The following FAM13A variants were observed in gnomAD, a reference collection of about 807,000 sequenced individuals.
The protein encoded by FAM13A is protein FAM13A.
Under a neutral mutation model 129.6 loss-of-function variants are expected in FAM13A, and 76 were observed. The observed-to-expected ratio is 0.59, with a 90% CI of 0.49 to 0.71. The LOEUF (loss-of-function observed/expected upper bound fraction) is 0.71. FAM13A is among the 30% of genes least tolerant of loss of function. The pLI, the probability that FAM13A is intolerant of heterozygous loss-of-function variation, is 0.00. For synonymous variants in FAM13A, 443 were observed against 449.9 expected (o/e 0.98, Z 0.20); for missense variants, 1,108 against 1,249.3 (o/e 0.89, Z 1.70).
chr4:88,959,368 G>A (rs958886425), intron 4 of FAM13A, among the ~76,000 whole-genome samples: 1 of 152,180 alleles, frequency 6.6e-6, no homozygotes, highest in Non-Finnish European at 1.5e-5. Flanking sequence ...GATCATGGGG[G>A]ATGGTTCCCT....
intron 4 of FAM13A, among the ~76,000 whole-genome samples, chr4:88,959,136 C>T (rs2148907013): frequency 6.6e-6 from 1 of 152,226 alleles, no homozygotes; most frequent in East Asian, 1.9e-4. Context: ...AGGGACATGC[C>T]TTGTCTCAGA....
chr4:89,043,889 A>G (rs932153476), intron 1 of FAM13A, among the ~76,000 whole-genome samples: 11 of 152,126 alleles, frequency 7.2e-5, no homozygotes, highest in African/African-American at 2.7e-4. Context: ...TGGGCAACAC[A>G]GCAAGACCCT....
chr4:88,925,847 GAGAA>G lies in FAM13A; in HGVS notation c.759+12237_759+12240del, dbSNP rs1349482370. Among the ~76,000 whole-genome samples the G allele has an allele frequency of 6.6e-5, 10 of 152,198 alleles. No individual in the cohort carries two copies. In the South Asian group the frequency reaches 1.0e-3, roughly 16 times the overall value. On this transcript the variant is annotated intron_variant, in intron 5 of 23. Coordinates refer to ENST00000264344, the MANE Select transcript of FAM13A (RefSeq NM_014883.4). ...CCAAGGCAGAATGTTCTAACAGAAG[GAGAA>G]AGAAAGTGCCACAAGACAAGAAAGG...
intron 19 of FAM13A, among the ~76,000 whole-genome samples, chr4:88,746,619 T>C (rs149850749): frequency 6.6e-6 from 1 of 152,316 alleles, no homozygotes. Flanking sequence ...CTTTATGCCC[T>C]ATACTCTGCC....
intron 5 of FAM13A, among the ~76,000 whole-genome samples, chr4:88,922,709 A>G (rs970477513): frequency 1.3e-5 from 2 of 152,222 alleles, no homozygotes; most frequent in Non-Finnish European, 2.9e-5. Flanking sequence ...ATCAGAGTAG[A>G]ACTGAAGGAA....
chr4:88,728,632 A>G lies in FAM13A; in HGVS notation c.2973T>C (p.Pro991=). Residue 991 remains proline, a synonymous_variant, in exon 24 of 24, where the codon CCT becomes CCC. Coordinates refer to ENST00000264344, the MANE Select transcript of FAM13A (RefSeq NM_014883.4). ...GRNVQKEDRT[P]MAEEYSEYKH... is the part of the protein sequence containing the mutation. ...TATATTCACTGTATTCTTCAGCCAT[A>G]GGAGTGCGGTCTTCCTTCTGGACAT... The G allele has an allele frequency of 6.2e-7, 1 of 1,614,216 alleles. No individual in the cohort carries two copies. Among genetic ancestry groups the G allele is most frequent in the Non-Finnish European group, 8.5e-7 (1 of 1,180,004 alleles).
chr4:88,774,350 A>T (rs1451959524), intron 11 of FAM13A, among the ~76,000 whole-genome samples: 2 of 152,172 alleles, frequency 1.3e-5, no homozygotes, highest in African/African-American at 4.8e-5. Context: ...AGGAAGGCAG[A>T]GTGTGTGTCT....
At chr4:89,011,442 C>T (rs1045520415) in intron 3 of FAM13A, among the ~76,000 whole-genome samples, 1 of 152,152 alleles carries the variant, frequency 6.6e-6, no homozygotes, top group African/African-American at 2.4e-5. Flanking sequence ...AGGACTATGA[C>T]CTAGATTTCT....
intron 21 of FAM13A, among the ~76,000 whole-genome samples, chr4:88,735,793 A>C (rs1462579686): frequency 6.6e-6 from 1 of 152,224 alleles, no homozygotes; most frequent in African/African-American, 2.4e-5. Flanking sequence ...GTCATTGCAA[A>C]ATTATCTGAA....
intron 19 of FAM13A, among the ~76,000 whole-genome samples, chr4:88,745,099 G>A (rs571039866): frequency 6.6e-6 from 1 of 152,248 alleles, no homozygotes; most frequent in Admixed American, 6.5e-5. Flanking sequence ...TGCAGACCCA[G>A]TAAAAGCCAC....
intron 8 of FAM13A, among the ~76,000 whole-genome samples, chr4:88,800,546 G>A (rs1561027458): frequency 6.6e-6 from 1 of 151,706 alleles, no homozygotes; most frequent in African/African-American, 2.4e-5. Context: ...TTAGCCAGGT[G>A]TAGTGGCGGG....
chr4:88,869,111 T>C (rs1200540888), intron 6 of FAM13A, among the ~76,000 whole-genome samples: 1 of 152,172 alleles, frequency 6.6e-6, no homozygotes, highest in Non-Finnish European at 1.5e-5. Context: ...CTGAGAGTCA[T>C]CTTTATCTCA....
At chr4:88,861,296 G>T (rs1361701130) in intron 6 of FAM13A, among the ~76,000 whole-genome samples, 1 of 150,030 alleles carries the variant, frequency 6.7e-6, no homozygotes, top group South Asian at 2.1e-4. Flanking sequence ...CAGGAAAATC[G>T]CTTGAATCCG....
At chr4:88,996,340 C>T (rs1481887445) in intron 3 of FAM13A, among the ~76,000 whole-genome samples, 4 of 152,128 alleles carry the variant, frequency 2.6e-5, no homozygotes, top group African/African-American at 9.7e-5. Context: ...TTGAAAGCAG[C>T]AAGATTACTT....
At chr4:88,971,440 A>C (rs572826940) in intron 4 of FAM13A, among the ~76,000 whole-genome samples, 1 of 152,342 alleles carries the variant, frequency 6.6e-6, no homozygotes, top group East Asian at 1.9e-4. Flanking sequence ...TATTAAAATA[A>C]TGAACTGTTC....
rs138266784 is a variant in FAM13A at position 88,897,712 on chromosome 4, C to T, written c.843+8667G>A. Among the ~76,000 whole-genome samples, 46 of 152,296 alleles carry T rather than the reference C, an allele frequency of 3.0e-4. 2 individuals are homozygous for T. Among genetic ancestry groups the T allele is most frequent in the African/African-American group, 1.1e-3 (45 of 41,582 alleles). ...GCATCACCCTCACAGCTCACTAAGT[C>T]ACCCTAGAAAGGACACACTAACCAT... is the stretch of plus-strand genomic sequence containing the variant. On this transcript the variant is annotated intron_variant, in intron 6 of 23. Transcript: ENST00000264344.
intron 4 of FAM13A, among the ~76,000 whole-genome samples, chr4:88,980,672 C>T (rs772043581): frequency 5.9e-5 from 9 of 152,144 alleles, no homozygotes; most frequent in Middle Eastern, 3.2e-3. Context: ...TGTGATCCTA[C>T]AGCTTGGGCT....
chr4:88,969,791 CAGAA>C (rs1759830038), intron 4 of FAM13A, among the ~76,000 whole-genome samples: 1 of 152,208 alleles, frequency 6.6e-6, no homozygotes, highest in Admixed American at 6.5e-5. Context: ...GAAACAAACT[CAGAA>C]AGGCTGAGAA....
intron 14 of FAM13A, chr4:88,753,634 T>C: frequency 1.1e-6 from 1 of 945,196 alleles, no homozygotes; most frequent in Non-Finnish European, 1.3e-6. Flanking sequence ...TCTCTCCTTT[T>C]TCTCTCTTTT....
Sources: allele counts gnomAD v4.1 joint callset (sites outside exome capture counted in the v4.1 genomes callset), GRCh38; gene constraint gnomAD v4.1.1; transcripts MANE v1.5; gene names NCBI Gene and HGNC (gene_info 2026-07-23, HGNC 2026-07-21).